The following GPC6 variants were observed in gnomAD, a reference collection of about 807,000 sequenced individuals.
GPC6 encodes glypican 6, also known as glypican-6.
A neutral mutation model predicts 55.2 loss-of-function variants in GPC6; 14 were observed. That is an observed-to-expected ratio of 0.25 (90% CI 0.17 to 0.40). The LOEUF (loss-of-function observed/expected upper bound fraction) is 0.40, where lower values mean the gene tolerates loss of function less well. GPC6 is among the 10% of genes least tolerant of loss of function. The pLI, the probability that GPC6 is intolerant of heterozygous loss-of-function variation, is 1.00. For synonymous variants in GPC6, 278 were observed against 259.6 expected (o/e 1.07, Z -0.68); for missense variants, 641 against 708.5 (o/e 0.90, Z 1.08).
At chr13:93,669,193 T>C (rs1016187306) in intron 2 of GPC6, among the ~76,000 whole-genome samples, 8 of 151,778 alleles carry the variant, frequency 5.3e-5, no homozygotes, top group Admixed American at 5.2e-4. Context: ...AACAGGACCA[T>C]TTTTTTCATT....
At chr13:93,990,084 A>G (rs993479090) in intron 3 of GPC6, among the ~76,000 whole-genome samples, 1 of 151,946 alleles carries the variant, frequency 6.6e-6, no homozygotes, top group African/African-American at 2.4e-5. Context: ...TTTAAAATAT[A>G]TAAGAAAAAT....
intron 2 of GPC6, among the ~76,000 whole-genome samples, chr13:93,589,929 T>C (rs1176888155): frequency 6.6e-6 from 1 of 152,176 alleles, no homozygotes; most frequent in Non-Finnish European, 1.5e-5. Flanking sequence ...CATTTATACA[T>C]AGCATTTGCA....
chr13:94,359,226 G>A (rs886425317), intron 6 of GPC6, among the ~76,000 whole-genome samples: 4 of 152,006 alleles, frequency 2.6e-5, no homozygotes, highest in African/African-American at 7.2e-5. Context: ...AAAGAAGGTC[G>A]GTTTTCCACA....
At chr13:93,258,423 A>G (rs1364792322) in intron 1 of GPC6, among the ~76,000 whole-genome samples, 1 of 152,170 alleles carries the variant, frequency 6.6e-6, no homozygotes, top group Non-Finnish European at 1.5e-5. Flanking sequence ...ACTGGCTACA[A>G]TGGTGCCCTT....
At chr13:93,321,826 C>T (rs551964765) in intron 1 of GPC6, among the ~76,000 whole-genome samples, 1 of 152,258 alleles carries the variant, frequency 6.6e-6, no homozygotes, top group South Asian at 2.1e-4. Flanking sequence ...ACCAAGAATT[C>T]TCAGCCCATT....
At chr13:93,605,225 T>G (rs1181204379) in intron 2 of GPC6, among the ~76,000 whole-genome samples, 2 of 152,164 alleles carry the variant, frequency 1.3e-5, no homozygotes, top group Non-Finnish European at 2.9e-5. Context: ...AATATCTGGT[T>G]TCCTGATACC....
intron 1 of GPC6, among the ~76,000 whole-genome samples, chr13:93,276,007 T>C (rs1350838025): frequency 6.6e-6 from 1 of 152,120 alleles, no homozygotes; most frequent in Non-Finnish European, 1.5e-5. Flanking sequence ...CCCGAGTAGC[T>C]GGGACTACAG....
intron 1 of GPC6, among the ~76,000 whole-genome samples, chr13:93,497,007 C>G (rs918356369): frequency 3.3e-5 from 5 of 152,162 alleles, no homozygotes; most frequent in African/African-American, 1.2e-4. Flanking sequence ...TTCTTGTCAA[C>G]CTGCTTTCGA....
At chr13:94,340,888 C>T (rs951369776) in intron 6 of GPC6, among the ~76,000 whole-genome samples, 2 of 152,192 alleles carry the variant, frequency 1.3e-5, no homozygotes, top group African/African-American at 2.4e-5. Flanking sequence ...GCTAACATTA[C>T]CAAATCATAT....
At chr13:94,240,786 G>A (rs186610291) in intron 4 of GPC6, among the ~76,000 whole-genome samples, 17 of 152,136 alleles carry the variant, frequency 1.1e-4, no homozygotes, top group African/African-American at 3.4e-4. Context: ...GCATGAAGGA[G>A]AGAGCAGAAG....
rs570509400 is a variant in GPC6 at position 93,963,257 on chromosome 13, AT to A, written c.712-64462del. On this transcript the variant is annotated intron_variant, in intron 3 of 8. Coordinates refer to ENST00000377047, the MANE Select transcript of GPC6 (RefSeq NM_005708.5). Reference sequence around the variant, plus strand: ...GGTTTTCATGGTCTTGATGAGCTTTATTTTTTTTTTCTGCAATGGCCACACA... The same window carrying A: ...GGTTTTCATGGTCTTGATGAGCTTTATTTTTTTTTCTGCAATGGCCACACA... Among the ~76,000 whole-genome samples the A allele has an allele frequency of 4.1e-3, 616 of 149,902 alleles. 4 individuals carry two copies. Among genetic ancestry groups the A allele is most frequent in the Non-Finnish European group, 6.5e-3 (438 of 67,194 alleles).
intron 6 of GPC6, among the ~76,000 whole-genome samples, chr13:94,354,675 C>A (rs1196225920): frequency 6.6e-6 from 1 of 152,206 alleles, no homozygotes; most frequent in African/African-American, 2.4e-5. Flanking sequence ...AATCGATATG[C>A]AAATGAGTGC....
rs9589856 is a variant in GPC6 at position 93,866,442 on chromosome 13, G to A, written c.711+35897G>A. On this transcript the variant is annotated intron_variant, in intron 3 of 8. Coordinates refer to ENST00000377047, the MANE Select transcript of GPC6 (RefSeq NM_005708.5). The stretch of plus-strand genomic sequence containing the variant: ...GCGTATGTTCACCACAACGCCGTTC[G>A]CAATAGCAAAGACATGGAATCAACC... 6.3e-3 allele frequency among the ~76,000 whole-genome samples: 955 copies of A among 151,658 alleles called. 16 individuals are homozygous for A. The highest frequency in any genetic ancestry group is 0.022 in the African/African-American group (917 of 41,418).
intron 4 of GPC6, among the ~76,000 whole-genome samples, chr13:94,128,618 T>C (rs1886903939): frequency 6.6e-6 from 1 of 152,106 alleles, no homozygotes; most frequent in Non-Finnish European, 1.5e-5. Context: ...ATGCTCTGGC[T>C]TGGAAGTGAC....
chr13:93,489,700 T>G (rs2139353689), intron 1 of GPC6, among the ~76,000 whole-genome samples: 1 of 151,718 alleles, frequency 6.6e-6, no homozygotes, highest in Admixed American at 6.5e-5. Context: ...CCTTGTAAGT[T>G]GGATTCCTAG....
At chr13:94,350,915 G>C (rs1462322038) in intron 6 of GPC6, among the ~76,000 whole-genome samples, 1 of 152,132 alleles carries the variant, frequency 6.6e-6, no homozygotes, top group African/African-American at 2.4e-5. Flanking sequence ...AAGGAAATTG[G>C]CATTGGGAGA....
intron 1 of GPC6, among the ~76,000 whole-genome samples, chr13:93,243,067 G>A (rs535232890): frequency 2.0e-5 from 3 of 152,260 alleles, no homozygotes; most frequent in East Asian, 3.9e-4. Flanking sequence ...TAATGCCCTC[G>A]AGAAGTCCCC....
chr13:93,773,276 C>T (rs1226650265), intron 2 of GPC6, among the ~76,000 whole-genome samples: 1 of 152,074 alleles, frequency 6.6e-6, no homozygotes, highest in African/African-American at 2.4e-5. Flanking sequence ...ATGTTATATT[C>T]TGAGTAACAA....
chr13:94,326,452 C>T (rs558253033), intron 6 of GPC6, among the ~76,000 whole-genome samples: 1 of 152,134 alleles, frequency 6.6e-6, no homozygotes, highest in South Asian at 2.1e-4. Flanking sequence ...AAATTATAAT[C>T]ACAAAGAAAA....
Sources: gnomAD v4.1 joint callset for allele counts (sites outside exome capture counted in the v4.1 genomes callset) on GRCh38, gnomAD v4.1.1 for gene constraint, MANE v1.5 for transcripts, NCBI Gene and HGNC (gene_info 2026-07-23, HGNC 2026-07-21) for gene names.